Variants in TTC17 observed in about 807,000 individuals in gnomAD.
TTC17 encodes the protein tetratricopeptide repeat domain 17.
Under a neutral mutation model 143.8 loss-of-function variants are expected in TTC17, and 58 were observed. That is an observed-to-expected ratio of 0.40 (90% CI 0.33 to 0.50). The LOEUF is 0.50. TTC17 is among the 20% of genes least tolerant of loss of function. TTC17 has a pLI of 0.49. For missense variants in TTC17, 1,273 were observed against 1,392.5 expected (o/e 0.91, Z 1.37); for synonymous variants, 501 against 497.8 (o/e 1.01, Z -0.09).
chr11:43,409,229 A>G (rs747278530), intron 15 of TTC17, among the ~76,000 whole-genome samples: 10 of 152,242 alleles, frequency 6.6e-5, no homozygotes, highest in Non-Finnish European at 1.2e-4. Flanking sequence ...ATGAATTGAT[A>G]TGCCACAACC....
chr11:43,370,411 T>C lies in TTC17; in HGVS notation c.160-8822T>C, dbSNP rs1376799604. On this transcript the variant is annotated intron_variant, in intron 1 of 23. Coordinates refer to ENST00000039989, the MANE Select transcript of TTC17 (RefSeq NM_018259.6). Reference sequence around the variant, plus strand: ...GTAAGGAGCAAGAAAATACAAAAGATGTTTCATTTTTGAGATGTTCTACCT... The same window carrying C: ...GTAAGGAGCAAGAAAATACAAAAGACGTTTCATTTTTGAGATGTTCTACCT... 2.8e-5 allele frequency: 5 copies of C among 179,826 alleles called. No individual in the cohort carries two copies. The East Asian group carries it at 7.8e-4, about 28-fold the overall frequency. 11.1% of individuals were successfully genotyped at this position (179,826 alleles called of 1,614,324 possible).
rs2134502409 is a variant in TTC17 at position 43,493,914 on chromosome 11, T to G, written c.*10T>G. On this transcript the variant is annotated 3_prime_UTR_variant, in exon 24 of 24. Transcript: ENST00000039989. The stretch of plus-strand genomic sequence containing the variant: ...ACGGCGCTCTCCTTAGTGCACTTCT[T>G]CCTTCTCTCTTTCTCTTTACTCATG... 1 of 1,572,076 alleles carries G rather than the reference T, an allele frequency of 6.4e-7. No individual in the cohort carries two copies. The highest frequency in any genetic ancestry group is 1.4e-5 in the African/African-American group (1 of 73,456).
At chr11:43,386,214 A>C (rs191757948) in intron 2 of TTC17, among the ~76,000 whole-genome samples, 17 of 152,310 alleles carry the variant, frequency 1.1e-4, no homozygotes, top group African/African-American at 4.1e-4. Context: ...CTAAGTATGA[A>C]AAGTGAAACT....
At chr11:43,420,397 TTTCTA>T (rs1237173549) in intron 16 of TTC17, among the ~76,000 whole-genome samples, 1 of 152,220 alleles carries the variant, frequency 6.6e-6, no homozygotes, top group Non-Finnish European at 1.5e-5. Context: ...AAGAGATGCA[TTTCTA>T]CGTAAAACAT....
intron 18 of TTC17, chr11:43,446,090 AG>A: frequency 6.7e-7 from 1 of 1,495,504 alleles, no homozygotes; most frequent in Admixed American, 2.1e-5. Context: ...CAAACTTCCT[AG>A]TGTGGTGTAC....
chr11:43,389,581 C>T (rs1857299583), intron 2 of TTC17, 71 bp from the exon 3 acceptor site: 1 of 1,439,654 alleles, frequency 6.9e-7, no homozygotes, highest in African/African-American at 1.4e-5. Context: ...CTCAGATTCC[C>T]CTTTCTCTTC....
chr11:43,377,305 T>C (rs191285771), intron 1 of TTC17, among the ~76,000 whole-genome samples: 32 of 151,780 alleles, frequency 2.1e-4, no homozygotes, highest in African/African-American at 7.5e-4. Flanking sequence ...AAAAAAAATA[T>C]AGTATTATAA....
Position 43,443,392 on chromosome 11 carries a change from A to G in TTC17, c.2319A>G (p.Glu773=), listed in dbSNP as rs767658590. The change falls in exon 17 of 24, where the codon GAA becomes GAG. Residue 773 remains glutamate, a synonymous_variant. Transcript: ENST00000039989. ...ATTCAGATGAAACCAAAATGTCAGA[A>G]GAAATACTGGCTTTGGTGGATGAAT... is the stretch of plus-strand genomic sequence containing the variant. ...MENSDETKMS[E]EILALVDEFQ... is the part of the protein sequence containing the mutation. 1.9e-6 allele frequency: 3 copies of G among 1,614,032 alleles called. No homozygotes were observed. The highest frequency in any genetic ancestry group is 2.5e-6 in the Non-Finnish European group (3 of 1,180,010).
chr11:43,479,162 C>T (rs1200664369), intron 21 of TTC17, among the ~76,000 whole-genome samples: 2 of 151,692 alleles, frequency 1.3e-5, no homozygotes, highest in African/African-American at 2.4e-5. Flanking sequence ...ATAGCTTGAA[C>T]CCGGGAGGCA....
intron 21 of TTC17, among the ~76,000 whole-genome samples, chr11:43,472,290 C>T (rs915964516): frequency 6.6e-6 from 1 of 152,222 alleles, no homozygotes; most frequent in East Asian, 1.9e-4. Flanking sequence ...CTGCAGTGAG[C>T]TATGATTGTA....
intron 16 of TTC17, among the ~76,000 whole-genome samples, chr11:43,438,592 A>C (rs1377410951): frequency 6.6e-6 from 1 of 152,192 alleles, no homozygotes; most frequent in Non-Finnish European, 1.5e-5. Flanking sequence ...CCACAATCTT[A>C]AGTACTCTGG....
chr11:43,382,461 T>C (rs1857007077), intron 2 of TTC17, among the ~76,000 whole-genome samples: 1 of 152,198 alleles, frequency 6.6e-6, no homozygotes, highest in Non-Finnish European at 1.5e-5. Flanking sequence ...AATTAAAGCA[T>C]GTTAGACTGT....
At chr11:43,429,462 A>C (rs1398744862) in intron 16 of TTC17, among the ~76,000 whole-genome samples, 1 of 152,192 alleles carries the variant, frequency 6.6e-6, no homozygotes, top group African/African-American at 2.4e-5. Flanking sequence ...TGTGGTGCCA[A>C]AGTCCCACAT....
At chr11:43,414,807 T>C (rs1946740130) in intron 16 of TTC17, 31 bp downstream of exon 16, 2 of 1,601,182 alleles carry the variant, frequency 1.2e-6, no homozygotes, top group Non-Finnish European at 8.5e-7. Context: ...GACAAACTAA[T>C]GAGCTCAGCC....
At chr11:43,437,556 T>C (rs888919849) in intron 16 of TTC17, among the ~76,000 whole-genome samples, 43 of 152,314 alleles carry the variant, frequency 2.8e-4, no homozygotes, top group African/African-American at 1.0e-3. Context: ...AGTTACTTAA[T>C]CTTCCTGAGC....
intron 16 of TTC17, among the ~76,000 whole-genome samples, chr11:43,418,625 T>C (rs1045415139): frequency 6.6e-6 from 1 of 152,142 alleles, no homozygotes; most frequent in Non-Finnish European, 1.5e-5. Flanking sequence ...ATAAGCAATG[T>C]CTATGAAGTG....
chr11:43,414,352 G>T (rs1256768159), intron 15 of TTC17, among the ~76,000 whole-genome samples: 4 of 151,898 alleles, frequency 2.6e-5, no homozygotes, highest in Admixed American at 2.0e-4. Context: ...GGTTACAGGG[G>T]TATATACATA....
intron 3 of TTC17, among the ~76,000 whole-genome samples, chr11:43,390,032 C>T (rs1183842227): frequency 2.6e-5 from 4 of 152,094 alleles, no homozygotes; most frequent in African/African-American, 9.7e-5. Context: ...CTTGGCTGGG[C>T]GTGGTGCCTC....
At chr11:43,397,924 G>T in intron 7 of TTC17, 50 bp from the exon 8 acceptor site, 1 of 1,157,172 alleles carries the variant, frequency 8.6e-7, no homozygotes, top group Non-Finnish European at 1.2e-6. Context: ...GTGTGTGTGT[G>T]TGTGTGTGTG....
Sources: allele counts gnomAD v4.1 joint callset (sites outside exome capture counted in the v4.1 genomes callset), GRCh38; gene constraint gnomAD v4.1.1; transcripts MANE v1.5; gene names NCBI Gene and HGNC (gene_info 2026-07-23, HGNC 2026-07-21).